Variants in GAPVD1 observed in about 807,000 individuals in gnomAD.
The protein encoded by GAPVD1 is GTPase-activating protein and VPS9 domain-containing protein 1.
In GAPVD1, 35 loss-of-function variants were observed where a neutral mutation model predicts 155.5. That is an observed-to-expected ratio of 0.23 (90% CI 0.17 to 0.30). The LOEUF is 0.30. GAPVD1 is among the 10% of genes least tolerant of loss of function. The probability of loss-of-function intolerance (pLI) is 1.00; values close to 1 mark genes in which losing one functional copy is unlikely to be tolerated. For missense variants in GAPVD1, 1,429 were observed against 1,775.7 expected (o/e 0.80, Z 3.51); for synonymous variants, 636 against 619.7 (o/e 1.03, Z -0.39).
intron 20 of GAPVD1, 74 bp from the exon 21 acceptor site, chr9:125,349,316 T>C (rs949111764): frequency 7.8e-7 from 1 of 1,279,166 alleles, no homozygotes; most frequent in Non-Finnish European, 1.1e-6. Context: ...CTTGAGTTGC[T>C]CTGAATACCT....
intron 8 of GAPVD1, among the ~76,000 whole-genome samples, chr9:125,311,019 T>TTAG (rs1057422197): frequency 6.6e-6 from 1 of 151,350 alleles, no homozygotes; most frequent in Non-Finnish European, 1.5e-5. Flanking sequence ...TTTTGTATTT[T>TTAG]TAGTAGAGAC....
In GAPVD1 at chr9:125,274,206, C is replaced by A; in HGVS notation, c.-150+5222C>A. Among the ~76,000 whole-genome samples, 3 of 151,694 alleles carry A rather than the reference C, an allele frequency of 2.0e-5. No homozygotes were observed. In the Middle Eastern group the frequency reaches 0.01, roughly 523 times the overall value. ...CTAATTTTTGTATTTTTAGTAGAGACGGGGTTTCACCATGTTGGCGAGCCT... is the reference window on the plus strand; with the variant it reads ...CTAATTTTTGTATTTTTAGTAGAGAAGGGGTTTCACCATGTTGGCGAGCCT... On this transcript the variant is annotated intron_variant, in intron 2 of 27. Transcript: ENST00000297933.
Position 125,322,254 on chromosome 9 carries a change from C to T in GAPVD1, c.1732+692C>T, listed in dbSNP as rs147160692. Among the ~76,000 whole-genome samples, 187 of 151,982 alleles carry T rather than the reference C, an allele frequency of 1.2e-3. 3 individuals are homozygous for T. In the East Asian group the frequency reaches 0.029, roughly 23 times the overall value. On this transcript the variant is annotated intron_variant, in intron 10 of 27. Transcript: ENST00000297933. ...TAATTTTTTGTATTTTTAGTAGAGACGGGGTTTCACCGTGTTAGCCAGGAT... is the reference window on the plus strand; with the variant it reads ...TAATTTTTTGTATTTTTAGTAGAGATGGGGTTTCACCGTGTTAGCCAGGAT...
At chr9:125,263,469 A>C in intron 1 of GAPVD1, 2 of 651,768 alleles carry the variant, frequency 3.1e-6, no homozygotes, top group Middle Eastern at 4.2e-4. Context: ...CAAAACAAAA[A>C]AACTCCTGAA....
At chr9:125,320,376 A>G (rs116889030) in intron 9 of GAPVD1, among the ~76,000 whole-genome samples, 1,568 of 152,284 alleles carry the variant, frequency 0.01, 19 homozygotes, top group Non-Finnish European at 0.014. Context: ...AATGGAAAGC[A>G]TATAAAAAGG....
intron 20 of GAPVD1, among the ~76,000 whole-genome samples, chr9:125,347,516 A>T (rs963786074): frequency 6.6e-6 from 1 of 152,188 alleles, no homozygotes; most frequent in Non-Finnish European, 1.5e-5. Context: ...ACTTGAGGCC[A>T]GGAGTTTGAG....
chr9:125,284,180 C>CTTTTTT (rs34335675), intron 2 of GAPVD1, among the ~76,000 whole-genome samples: 1 of 92,632 alleles, frequency 1.1e-5, no homozygotes, highest in African/African-American at 4.6e-5. Context: ...CCCGCCAGAA[C>CTTTTTT]TTTTTTTTTT....
intron 4 of GAPVD1, 59 bp from the exon 5 acceptor site, chr9:125,301,922 ATG>A: frequency 8.1e-7 from 1 of 1,233,782 alleles, no homozygotes; most frequent in Non-Finnish European, 1.1e-6. Flanking sequence ...GATATAGTAT[ATG>A]TGTTATTATT....
In GAPVD1 at chr9:125,302,711, T is replaced by C. The variant is rs763240757; in HGVS notation, c.914T>C (p.Met305Thr). The change falls in exon 5 of 28, where the codon ATG becomes ACG. Residue 305 changes from methionine (M) to threonine (T), a missense_variant. Coordinates refer to ENST00000297933, the MANE Select transcript of GAPVD1 (RefSeq NM_001282680.3). ...CTGGAAGTTGGGGAGGTCAGGGCAATGTGTACTGATCTCCTGTTGGCCTGC... is the reference window on the plus strand; with the variant it reads ...CTGGAAGTTGGGGAGGTCAGGGCAACGTGTACTGATCTCCTGTTGGCCTGC... ...DRLEVGEVRA[M>T]CTDLLLACFI... The C allele has an allele frequency of 3.1e-6, 5 of 1,613,834 alleles. No homozygotes were observed.
chr9:125,269,485 GT>G (rs368089616), intron 2 of GAPVD1, among the ~76,000 whole-genome samples: 39 of 151,424 alleles, frequency 2.6e-4, no homozygotes, highest in African/African-American at 9.4e-4. Flanking sequence ...GGATATTTTA[GT>G]TTTTGTTCTT....
At chr9:125,351,416 G>T (rs142463600) in intron 23 of GAPVD1, among the ~76,000 whole-genome samples, 2,080 of 152,092 alleles carry the variant, frequency 0.014, 104 homozygotes, top group East Asian at 0.088. Context: ...CCCAACAGTT[G>T]CCCAAAGTCT....
chr9:125,328,872 G>A (rs1052269212), intron 12 of GAPVD1, among the ~76,000 whole-genome samples: 6 of 152,196 alleles, frequency 3.9e-5, no homozygotes, highest in East Asian at 1.9e-4. Flanking sequence ...GCGGCTGGCC[G>A]GGCAGGGGGG....
At chr9:125,307,576 CTCGAAAGTCT>C in intron 7 of GAPVD1, 29 bp downstream of exon 7, 1 of 1,598,670 alleles carries the variant, frequency 6.3e-7, no homozygotes, top group South Asian at 1.1e-5. Flanking sequence ...AAGAGAATTT[CTCGAAAGTCT>C]TTTAGCTAAG....
chr9:125,331,299 C>T (rs559045495), intron 13 of GAPVD1, among the ~76,000 whole-genome samples: 2 of 151,880 alleles, frequency 1.3e-5, no homozygotes, highest in South Asian at 2.1e-4. Context: ...CTCCTGGGTT[C>T]AAGTGATTCT....
chr9:125,267,258 A>G (rs1173932907), intron 1 of GAPVD1, among the ~76,000 whole-genome samples: 1 of 152,038 alleles, frequency 6.6e-6, no homozygotes, highest in Non-Finnish European at 1.5e-5. Context: ...ACTTGAGCCT[A>G]GGAATTTGAA....
Position 125,364,721 on chromosome 9 carries a change from C to T in GAPVD1, c.*1975C>T, listed in dbSNP as rs963121581. 2.0e-5 allele frequency: 3 copies of T among 152,580 alleles called. No homozygotes were observed. The highest frequency in any genetic ancestry group is 2.9e-5 in the Non-Finnish European group (2 of 68,040). The allele number at this position is 152,580 out of a possible 1,614,324, so 9.5% of individuals were successfully genotyped here. On this transcript the variant is annotated 3_prime_UTR_variant, in exon 28 of 28. Transcript: ENST00000297933. ...AGGTCAAGAAATCCATGTACAGAGT[C>T]GTGCACTTCATTGGCTGTAACTGTC...
At position 125,355,646 on chromosome 9, in the gene GAPVD1, T is replaced by A; in HGVS notation, c.3760T>A (p.Phe1254Ile). The change falls in exon 25 of 28, where the codon TTT (phenylalanine) becomes ATT (isoleucine). Residue 1254 changes from phenylalanine to isoleucine, a missense_variant and splice_region_variant. Phe to Ile is a conservative substitution (Grantham distance 21). This residue lies in a region of GAPVD1 where 699 missense variants were observed against 826.0 expected (regional missense o/e 0.85). Coordinates refer to ENST00000297933, the MANE Select transcript of GAPVD1 (RefSeq NM_001282680.3). ...AAAATTATTATTTTGCTTTGGAGAC[T>A]TTCAGAAACTCACCGCAGCTGACGA... is the stretch of plus-strand genomic sequence containing the variant. ...EKKIREFIQD[F>I]QKLTAADDKT... The A allele has an allele frequency of 6.3e-7, 1 of 1,594,664 alleles. No homozygotes were observed. Among genetic ancestry groups the A allele is most frequent in the Non-Finnish European group, 8.6e-7 (1 of 1,165,286 alleles).
chr9:125,295,837 C>T (rs1839763879), intron 3 of GAPVD1, among the ~76,000 whole-genome samples: 1 of 152,066 alleles, frequency 6.6e-6, no homozygotes, highest in Admixed American at 6.6e-5. Context: ...TTTATGTTCT[C>T]TTTCTATCTT....
chr9:125,342,583 A>T (rs756738964), intron 19 of GAPVD1, among the ~76,000 whole-genome samples: 3 of 152,212 alleles, frequency 2.0e-5, no homozygotes, highest in Non-Finnish European at 4.4e-5. Context: ...CTCAACATCT[A>T]GTGGGATGAT....
Sources: allele counts gnomAD v4.1 joint callset (sites outside exome capture counted in the v4.1 genomes callset), GRCh38; gene constraint gnomAD v4.1.1; regional missense constraint gnomAD v4.1.1; transcripts MANE v1.5; gene names NCBI Gene and HGNC (gene_info 2026-07-23, HGNC 2026-07-21).